PCDH15: variants seen among roughly 807,000 people sequenced by gnomAD.
PCDH15 encodes protocadherin-15.
A neutral mutation model predicts 178.5 loss-of-function variants in PCDH15; 129 were observed. That is an observed-to-expected ratio of 0.72 (90% confidence interval 0.63 to 0.84). PCDH15 has a LOEUF of 0.84. Among genes scored for constraint, PCDH15 ranks in the 40% least tolerant of loss-of-function variants. The pLI, the probability that PCDH15 is intolerant of heterozygous loss-of-function variation, is 0.00. For synonymous variants in PCDH15, 800 were observed against 732.0 expected, an observed-to-expected ratio of 1.09 and a Z score of -1.50; for missense variants, 2,230 against 2,099.9, an observed-to-expected ratio of 1.06 and a Z score of -1.21.
At position 53,940,942 on chromosome 10, in the gene PCDH15, C is replaced by G; in HGVS notation, c.3156G>C (p.Gly1052=). The G allele has an allele frequency of 6.2e-7, 1 of 1,613,518 alleles. No homozygotes were observed. The highest frequency in any genetic ancestry group is 8.5e-7 in the Non-Finnish European group (1 of 1,179,552). Residue 1052 remains glycine (G), a synonymous_variant, in exon 24 of 38, where the codon GGG becomes GGC. Transcript: ENST00000644397. ...PPPVSELATK[G]TMVGVISAAA... is the part of the protein sequence containing the mutation. The stretch of plus-strand genomic sequence containing the variant: ...CAGCAGAAATTACACCAACCATGGT[C>G]CCTTTGGTGGCAAGTTCACTTACTG...
intron 13 of PCDH15, among the ~76,000 whole-genome samples, chr10:54,180,102 C>A (rs1375645791): frequency 6.6e-6 from 1 of 152,118 alleles, no homozygotes; most frequent in Non-Finnish European, 1.5e-5. Context: ...TTCCCTTAAA[C>A]AAAATATGTG....
At chr10:54,853,768 A>G (rs556782195) in intron 3 of PCDH15, among the ~76,000 whole-genome samples, 45 of 152,182 alleles carry the variant, frequency 3.0e-4, no homozygotes, top group Non-Finnish European at 5.3e-4. Flanking sequence ...CATCAGGAGG[A>G]TTACATAATT....
At chr10:54,307,069 TATATATATATAC>T (rs1399577072) in intron 8 of PCDH15, among the ~76,000 whole-genome samples, 1 of 9,790 alleles carries the variant, frequency 1.0e-4, no homozygotes, top group Admixed American at 1.4e-3. Flanking sequence ...TATATATATA[TATATATATATAC>T]ATATATATAT....
At chr10:54,204,164 G>C (rs2050535683) in intron 10 of PCDH15, among the ~76,000 whole-genome samples, 1 of 152,074 alleles carries the variant, frequency 6.6e-6, no homozygotes, top group Non-Finnish European at 1.5e-5. Context: ...AAATCAAAAT[G>C]TTAATAAAAG....
chr10:53,847,873 A>T (rs1336899523), intron 28 of PCDH15, among the ~76,000 whole-genome samples: 4 of 152,034 alleles, frequency 2.6e-5, no homozygotes, highest in Admixed American at 1.3e-4. Flanking sequence ...GAATCATTGT[A>T]AACTACTTCT....
At chr10:54,405,885 GA>G (rs1284647623) in intron 3 of PCDH15, among the ~76,000 whole-genome samples, 1 of 151,240 alleles carries the variant, frequency 6.6e-6, no homozygotes, top group Non-Finnish European at 1.5e-5. Flanking sequence ...TTTTAAAAAA[GA>G]AAAAGTATTA....
chr10:55,606,346 C>T (rs1843215825), intron 2 of PCDH15, among the ~76,000 whole-genome samples: 1 of 139,024 alleles, frequency 7.2e-6, no homozygotes, highest in African/African-American at 2.8e-5. Flanking sequence ...GATTCAATGC[C>T]ATCCCCATCA....
Position 53,849,755 on chromosome 10 carries a change from T to C in PCDH15, c.3806+7420A>G, listed in dbSNP as rs190543597. On this transcript the variant is annotated intron_variant, in intron 28 of 37. Transcript: ENST00000644397. ...GGCGGGCACCTGTAGTCCCAGCAATTCAGGAGGCTGAGGCAGAATGACATG... is the reference window on the plus strand; with the variant it reads ...GGCGGGCACCTGTAGTCCCAGCAATCCAGGAGGCTGAGGCAGAATGACATG... Among the ~76,000 whole-genome samples the C allele has an allele frequency of 1.1e-3, 160 of 148,436 alleles. No homozygotes were observed. In the Middle Eastern group the frequency reaches 0.018, roughly 17 times the overall value.
At chr10:55,024,795 C>T (rs1236488543) in intron 2 of PCDH15, among the ~76,000 whole-genome samples, 2 of 152,106 alleles carry the variant, frequency 1.3e-5, no homozygotes, top group Admixed American at 6.5e-5. Context: ...TCCTGCCATT[C>T]CCACTGCCAC....
chr10:55,626,178 T>TAAATAAATAAATAAATAAATA (rs1554807544), intron 2 of PCDH15, among the ~76,000 whole-genome samples: 32 of 151,086 alleles, frequency 2.1e-4, no homozygotes, highest in African/African-American at 6.3e-4. Flanking sequence ...AATAAATAAA[T>TAAATAAATAAATAAATAAATA]AAATAAAATA....
chr10:54,022,213 C>A (rs533784160), intron 19 of PCDH15, among the ~76,000 whole-genome samples: 3 of 151,582 alleles, frequency 2.0e-5, no homozygotes, highest in African/African-American at 7.3e-5. Flanking sequence ...TCAGCCTAAT[C>A]TACTGAATCA....
chr10:55,616,272 C>A (rs551329240), intron 2 of PCDH15, among the ~76,000 whole-genome samples: 1 of 152,128 alleles, frequency 6.6e-6, no homozygotes, highest in Non-Finnish European at 1.5e-5. Flanking sequence ...AGCCTGATAC[C>A]AGGCTGTACC....
chr10:54,851,157 A>C (rs1163951719), intron 3 of PCDH15, among the ~76,000 whole-genome samples: 1 of 152,186 alleles, frequency 6.6e-6, no homozygotes, highest in Non-Finnish European at 1.5e-5. Context: ...TAAGTAGGCC[A>C]GATGGATACC....
intron 8 of PCDH15, among the ~76,000 whole-genome samples, chr10:54,244,688 A>G (rs1247620005): frequency 6.6e-6 from 1 of 152,190 alleles, no homozygotes; most frequent in East Asian, 1.9e-4. Context: ...TTTCTATAAC[A>G]ACTATTCTGG....
rs559353388 is a variant in PCDH15, at chr10:54,044,331, G to A, written c.2221-21134C>T. Among the ~76,000 whole-genome samples the A allele has an allele frequency of 1.2e-4, 19 of 152,246 alleles. No homozygotes were observed. In the South Asian group the frequency reaches 2.5e-3, roughly 20 times the overall value. ...AGGGATTTGAAGTTAAAGGTATATA[G>A]AAGTGGGCATTTTAGCATGGATTTC... is the stretch of plus-strand genomic sequence containing the variant. On this transcript the variant is annotated intron_variant, in intron 18 of 37. Transcript: ENST00000644397.
chr10:54,758,058 C>T lies in PCDH15; in HGVS notation c.-29+42867G>A, dbSNP rs188165404. Among the ~76,000 whole-genome samples, 888 of 151,854 alleles carry T rather than the reference C, an allele frequency of 5.8e-3. 2 individuals carry two copies. Among genetic ancestry groups the T allele is most frequent in the Non-Finnish European group, 9.0e-3 (612 of 67,946 alleles). On this transcript the variant is annotated intron_variant, in intron 1 of 37. Coordinates refer to ENST00000644397, the MANE Select transcript of PCDH15 (RefSeq NM_001384140.1). The stretch of plus-strand genomic sequence containing the variant: ...AGTAGAATATTAATAAGAATATACA[C>T]GAAAAAGAAAAACATGAATATGCTT...
At chr10:55,297,656 AT>A (rs1220912377) in intron 1 of PCDH15, among the ~76,000 whole-genome samples, 1 of 152,090 alleles carries the variant, frequency 6.6e-6, no homozygotes, top group Non-Finnish European at 1.5e-5. Flanking sequence ...ATTAATTCAT[AT>A]GTATGAATGA....
intron 2 of PCDH15, among the ~76,000 whole-genome samples, chr10:55,488,154 CCCA>C (rs1840338283): frequency 6.6e-6 from 1 of 151,584 alleles, no homozygotes; most frequent in Non-Finnish European, 1.5e-5. Flanking sequence ...AAACATCCCA[CCCA>C]CCATTTTAAA....
At chr10:54,680,271 T>C (rs543059548) in intron 1 of PCDH15, among the ~76,000 whole-genome samples, 4 of 152,084 alleles carry the variant, frequency 2.6e-5, no homozygotes, top group African/African-American at 9.7e-5. Flanking sequence ...TGTTCGAGGT[T>C]ACTTTTTCTT....
Sources: gnomAD v4.1 joint callset for allele counts (sites outside exome capture counted in the v4.1 genomes callset) on GRCh38, gnomAD v4.1.1 for gene constraint, MANE v1.5 for transcripts, NCBI Gene and HGNC (gene_info 2026-07-23, HGNC 2026-07-21) for gene names.